The following NDUFAF1 variants were observed in gnomAD, a reference collection of about 807,000 sequenced individuals.
NDUFAF1 encodes complex I intermediate-associated protein 30, mitochondrial.
Under a neutral mutation model 28.7 loss-of-function variants are expected in NDUFAF1, and 18 were observed. That is an observed-to-expected ratio of 0.63 (90% confidence interval 0.43 to 0.93). The LOEUF is 0.93. Among genes scored for constraint, NDUFAF1 ranks in the 40% least tolerant of loss-of-function variants. The pLI, the probability that NDUFAF1 is intolerant of heterozygous loss-of-function variation, is 0.00. For missense variants in NDUFAF1, 404 were observed against 398.3 expected (o/e 1.01, Z -0.12); for synonymous variants, 113 against 139.7 (o/e 0.81, Z 1.35).
At chr15:41,391,152 A>T (rs953673690) in intron 3 of NDUFAF1, among the ~76,000 whole-genome samples, 7 of 151,844 alleles carry the variant, frequency 4.6e-5, no homozygotes, top group African/African-American at 1.7e-4. Context: ...ATAATAATTC[A>T]TTATATATAT....
intron 1 of NDUFAF1, among the ~76,000 whole-genome samples, chr15:41,399,015 C>T (rs2050427662): frequency 6.6e-6 from 1 of 152,084 alleles, no homozygotes. Flanking sequence ...CCTGTAATCC[C>T]AGCACTCTGG....
intron 3 of NDUFAF1, among the ~76,000 whole-genome samples, chr15:41,390,591 G>C (rs2050304435): frequency 6.6e-6 from 1 of 151,708 alleles, no homozygotes; most frequent in Admixed American, 6.6e-5. Flanking sequence ...CAGGTGTAGT[G>C]GCAGGTGCCT....
chr15:41,393,247 C>G (rs1208748933), intron 3 of NDUFAF1, among the ~76,000 whole-genome samples: 1 of 151,142 alleles, frequency 6.6e-6, no homozygotes, highest in African/African-American at 2.4e-5. Flanking sequence ...GCCTCAGCCC[C>G]CCTAGTAGCT....
intron 1 of NDUFAF1, among the ~76,000 whole-genome samples, chr15:41,398,670 G>A (rs1318885345): frequency 6.6e-6 from 1 of 151,954 alleles, no homozygotes; most frequent in African/African-American, 2.4e-5. Flanking sequence ...TTTAAAAAAT[G>A]TTGGCCGGGT....
intron 1 of NDUFAF1, among the ~76,000 whole-genome samples, chr15:41,398,473 T>C (rs2050420187): frequency 6.9e-6 from 1 of 145,200 alleles, no homozygotes; most frequent in Non-Finnish European, 1.5e-5. Context: ...AAGAGCAAAA[T>C]TCCATGTGAA....
At chr15:41,398,362 T>C (rs1279976712) in intron 1 of NDUFAF1, among the ~76,000 whole-genome samples, 1 of 150,694 alleles carries the variant, frequency 6.6e-6, no homozygotes, top group Non-Finnish European at 1.5e-5. Context: ...CAGACGCCTG[T>C]AATCCCAGCT....
intron 1 of NDUFAF1, among the ~76,000 whole-genome samples, chr15:41,398,687 C>A (rs758873757): frequency 5.3e-5 from 8 of 152,060 alleles, no homozygotes; most frequent in Admixed American, 3.3e-4. Flanking sequence ...GGGTGCCGTG[C>A]ATCACACCTG....
chr15:41,399,392 TAAA>T (rs750171805), intron 1 of NDUFAF1, among the ~76,000 whole-genome samples: 1 of 119,036 alleles, frequency 8.4e-6, no homozygotes. Flanking sequence ...TGACTCCAAC[TAAA>T]AAAAAAAAAA....
chr15:41,399,051 T>A (rs2050428042), intron 1 of NDUFAF1, among the ~76,000 whole-genome samples: 1 of 151,238 alleles, frequency 6.6e-6, no homozygotes, highest in South Asian at 2.1e-4. Context: ...AAATGACTTG[T>A]CGTCAGGAGT....
intron 1 of NDUFAF1, among the ~76,000 whole-genome samples, chr15:41,397,777 C>T (rs558290852): frequency 3.6e-4 from 48 of 132,020 alleles, no homozygotes; most frequent in Middle Eastern, 5.4e-3. Context: ...CCAGCCTGGG[C>T]GACAGAGCGA....
At position 41,387,608 on chromosome 15, in the gene NDUFAF1, C is replaced by A; in HGVS notation, c.835-15G>T. Reference sequence around the variant, plus strand: ...ATAGAAGAGATCTAAATTTAAAATACAGAAATTGATTAAAATCTCATACAG... The same window carrying A: ...ATAGAAGAGATCTAAATTTAAAATAAAGAAATTGATTAAAATCTCATACAG... On this transcript the variant is annotated splice_polypyrimidine_tract_variant and intron_variant, in intron 4 of 4. Transcript: ENST00000260361. 1 of 1,592,058 alleles carries A rather than the reference C, an allele frequency of 6.3e-7. No individual in the cohort carries two copies. Among genetic ancestry groups the A allele is most frequent in the Non-Finnish European group, 8.6e-7 (1 of 1,160,186 alleles).
In NDUFAF1 at chr15:41,388,519, G is replaced by A; in HGVS notation, c.763C>T (p.Pro255Ser). The A allele has an allele frequency of 6.2e-7, 1 of 1,604,668 alleles. No individual in the cohort carries two copies. Among genetic ancestry groups the A allele is most frequent in the Non-Finnish European group, 8.5e-7 (1 of 1,171,514 alleles). The change falls in exon 4 of 5, where the codon CCT becomes TCT. Residue 255 changes from proline (P) to serine (S), a missense_variant. Physicochemically the swap from Pro to Ser is moderately conservative, Grantham distance 74 (BLOSUM62 -1). Transcript: ENST00000260361. ...TTAGAGAAGAAAAATTTGGAAAAAG[G>A]AATCTGAAAGAAGAAACCATTTACT... Reference protein sequence around the residue: ...GGPYWQEVKIPFSKFFFSNRG... With the variant: ...GGPYWQEVKISFSKFFFSNRG...
At chr15:41,398,042 A>C (rs948602880) in intron 1 of NDUFAF1, among the ~76,000 whole-genome samples, 47 of 150,832 alleles carry the variant, frequency 3.1e-4, no homozygotes, top group African/African-American at 1.0e-3. Context: ...AAAAAAAAAA[A>C]AACAGAAAGA....
intron 3 of NDUFAF1, among the ~76,000 whole-genome samples, chr15:41,390,693 C>T (rs1333436679): frequency 6.7e-6 from 1 of 150,022 alleles, no homozygotes; most frequent in African/African-American, 2.5e-5. Flanking sequence ...CCACTGCACT[C>T]CAGCATGGGC....
chr15:41,399,855 CAAAAAA>C (rs35139337), intron 1 of NDUFAF1, among the ~76,000 whole-genome samples: 72 of 42,054 alleles, frequency 1.7e-3, no homozygotes, highest in African/African-American at 6.4e-3. Flanking sequence ...GACTCCTTCT[CAAAAAA>C]AAAAAAAAAA....
At position 41,387,582 on chromosome 15, in the gene NDUFAF1, T is replaced by C; in HGVS notation, c.846A>G (p.Ile282Met). ...CCACTTTATCAGCCAAGGTGAATCC[T>C]ATAGAAGAGATCTAAATTTAAAATA... ...HELPLDKISSIGFTLADKVDG... is the reference protein window; with the variant it reads ...HELPLDKISSMGFTLADKVDG... Residue 282 changes from isoleucine to methionine, a missense_variant, in exon 5 of 5, where the codon ATA (isoleucine) becomes ATG (methionine). Coordinates refer to ENST00000260361, the MANE Select transcript of NDUFAF1 (RefSeq NM_016013.4). The C allele has an allele frequency of 6.2e-7, 1 of 1,607,782 alleles. No homozygotes were observed. The highest frequency in any genetic ancestry group is 8.5e-7 in the Non-Finnish European group (1 of 1,174,266).
intron 3 of NDUFAF1, among the ~76,000 whole-genome samples, chr15:41,391,221 T>C (rs1341589396): frequency 2.0e-5 from 3 of 151,810 alleles, no homozygotes; most frequent in South Asian, 4.2e-4. Flanking sequence ...TACATATATA[T>C]GTATGTATTG....
intron 3 of NDUFAF1, among the ~76,000 whole-genome samples, chr15:41,393,808 T>C (rs2050346253): frequency 6.6e-6 from 1 of 151,754 alleles, no homozygotes. Context: ...CTTGACCTCG[T>C]GATCTGCCCA....
intron 1 of NDUFAF1, 75 bp downstream of exon 1, chr15:41,402,069 G>T: frequency 2.7e-6 from 1 of 371,696 alleles, no homozygotes; most frequent in Non-Finnish European, 5.6e-6. Flanking sequence ...CCGCCCTGAG[G>T]TTGACGGTGG....
Sources: gnomAD v4.1 joint callset for allele counts (sites outside exome capture counted in the v4.1 genomes callset) on GRCh38, gnomAD v4.1.1 for gene constraint, MANE v1.5 for transcripts, NCBI Gene and HGNC (gene_info 2026-07-23, HGNC 2026-07-21) for gene names.